Variants in TMC1 observed in about 807,000 individuals in gnomAD.
TMC1 encodes transmembrane channel-like protein 1.
A neutral mutation model predicts 105.8 loss-of-function variants in TMC1; 84 were observed. That is an observed-to-expected ratio of 0.79 (90% CI 0.67 to 0.95). The LOEUF (loss-of-function observed/expected upper bound fraction) is 0.95. TMC1 is among the 40% of genes least tolerant of loss of function. TMC1 has a pLI of 0.00. For missense variants in TMC1, 817 were observed against 914.1 expected, an observed-to-expected ratio of 0.89 and a Z score of 1.37; for synonymous variants, 315 against 311.5, an observed-to-expected ratio of 1.01 and a Z score of -0.12.
Position 72,805,346 on chromosome 9 carries a change from G to T in TMC1, c.1567-36G>T, listed in dbSNP as rs181603154. ...CCAACACTAGGACCATTTGAAGACA[G>T]AACTGTGTGTTTTAATAGAGATAAT... On this transcript the variant is annotated intron_variant, in intron 17 of 23. Coordinates refer to ENST00000297784, the MANE Select transcript of TMC1 (RefSeq NM_138691.3). The T allele has an allele frequency of 2.5e-6, 4 of 1,610,870 alleles. No homozygotes were observed. In the East Asian group the frequency reaches 8.9e-5, roughly 36 times the overall value.
intron 8 of TMC1, among the ~76,000 whole-genome samples, chr9:72,725,290 T>C (rs1827094231): frequency 7.0e-6 from 1 of 141,914 alleles, no homozygotes. Flanking sequence ...AGACAACTCA[T>C]AGGATACCCC....
intron 3 of TMC1, among the ~76,000 whole-genome samples, chr9:72,626,151 GC>G (rs1825343398): frequency 6.6e-6 from 1 of 152,190 alleles, no homozygotes; most frequent in Admixed American, 6.5e-5. Flanking sequence ...GGTAATTTCA[GC>G]CCCAGTCACT....
At position 72,826,890 on chromosome 9, in the gene TMC1, A is replaced by G; in HGVS notation, c.2025A>G (p.Glu675=). 6.2e-7 allele frequency: 1 copy of G among 1,614,048 alleles called. No homozygotes were observed. The highest frequency in any genetic ancestry group is 1.7e-5 in the Admixed American group (1 of 60,034). ...GPFSGKNRMF[E]VIGETLEHDF... ...CCAGTGGCAAAAATAGAATGTTTGA[A>G]GTCATTGGAGAGACCCTGGAGCACG... The change falls in exon 21 of 24, where the codon GAA becomes GAG. Residue 675 remains glutamate, a synonymous_variant. Coordinates refer to ENST00000297784, the MANE Select transcript of TMC1 (RefSeq NM_138691.3).
At position 72,828,403 on chromosome 9, in the gene TMC1, A is replaced by AATG. The variant is rs768738614; in HGVS notation, c.2129+1411_2129+1413dup. On this transcript the variant is annotated intron_variant, in intron 21 of 23. Coordinates refer to ENST00000297784, the MANE Select transcript of TMC1 (RefSeq NM_138691.3). The stretch of plus-strand genomic sequence containing the variant: ...AGAGTCAAGGCCCTTTAGTGGTATG[A>AATG]ATGAGGTGTTGTTTAAAACACACAC... 6.6e-5 allele frequency among the ~76,000 whole-genome samples: 10 copies of AATG among 151,396 alleles called. No individual in the cohort carries two copies. In the East Asian group the frequency reaches 1.2e-3, roughly 18 times the overall value.
intron 8 of TMC1, among the ~76,000 whole-genome samples, chr9:72,714,329 C>T (rs558924595): frequency 3.2e-4 from 48 of 152,268 alleles, no homozygotes; most frequent in African/African-American, 1.1e-3. Context: ...TGTTAATTTT[C>T]TGTCTCGTTG....
At chr9:72,791,167 T>C (rs1319001636) in intron 15 of TMC1, among the ~76,000 whole-genome samples, 1 of 152,054 alleles carries the variant, frequency 6.6e-6, no homozygotes, top group South Asian at 2.1e-4. Flanking sequence ...GTTTCCTACT[T>C]TTCATGTTTC....
chr9:72,633,377 T>G (rs368622487), intron 4 of TMC1, among the ~76,000 whole-genome samples: 6 of 152,210 alleles, frequency 3.9e-5, no homozygotes, highest in Non-Finnish European at 7.3e-5. Context: ...TTTTAAATAA[T>G]GTAGCCCTCA....
intron 5 of TMC1, among the ~76,000 whole-genome samples, chr9:72,652,554 G>T (rs1401415311): frequency 2.0e-5 from 3 of 152,176 alleles, no homozygotes; most frequent in African/African-American, 7.2e-5. Flanking sequence ...CAGAGGGAAG[G>T]TGGGATCAGT....
chr9:72,624,621 A>G (rs570227653), intron 3 of TMC1, among the ~76,000 whole-genome samples: 44 of 152,222 alleles, frequency 2.9e-4, no homozygotes, highest in Non-Finnish European at 5.3e-4. Flanking sequence ...GATGAAATGC[A>G]ACAGCAGACT....
At chr9:72,686,994 A>G (rs1419157645) in intron 5 of TMC1, among the ~76,000 whole-genome samples, 2 of 152,198 alleles carry the variant, frequency 1.3e-5, no homozygotes. Flanking sequence ...TGGTTATTAG[A>G]GGAAACTGAG....
At chr9:72,638,068 C>T (rs1825564179) in intron 4 of TMC1, among the ~76,000 whole-genome samples, 1 of 151,916 alleles carries the variant, frequency 6.6e-6, no homozygotes, top group South Asian at 2.1e-4. Flanking sequence ...ATGCTGCCTC[C>T]CACCACCACC....
intron 7 of TMC1, among the ~76,000 whole-genome samples, chr9:72,695,719 A>G (rs186883905): frequency 3.8e-4 from 58 of 152,290 alleles, no homozygotes; most frequent in Middle Eastern, 3.4e-3. Context: ...AAAATTTGTC[A>G]AGTAGAGAAG....
At chr9:72,565,294 A>G (rs1362121754) in intron 1 of TMC1, among the ~76,000 whole-genome samples, 1 of 152,220 alleles carries the variant, frequency 6.6e-6, no homozygotes, top group African/African-American at 2.4e-5. Context: ...AAATTTAATC[A>G]AGCCTTAAGG....
Position 72,670,451 on chromosome 9 carries a change from T to C in TMC1, c.17-18258T>C, listed in dbSNP as rs562483943. On this transcript the variant is annotated intron_variant, in intron 5 of 23. Coordinates refer to ENST00000297784, the MANE Select transcript of TMC1 (RefSeq NM_138691.3). ...TATACCAGAACAAAGCCGAAGACTA[T>C]AGGAATATGAAAATATCTAGCAGTC... 4.5e-4 allele frequency among the ~76,000 whole-genome samples: 69 copies of C among 152,280 alleles called. 1 individual carries two copies. In the South Asian group the frequency reaches 0.014, roughly 31 times the overall value.
chr9:72,754,128 C>G (rs1360403405), intron 11 of TMC1, among the ~76,000 whole-genome samples: 1 of 152,112 alleles, frequency 6.6e-6, no homozygotes, highest in African/African-American at 2.4e-5. Context: ...GAAAGGTGCT[C>G]TTTCCAGTTC....
rs530352580 is a variant in TMC1 at position 72,749,343 on chromosome 9, C to A, written c.536-2507C>A. On this transcript the variant is annotated intron_variant, in intron 10 of 23. Coordinates refer to ENST00000297784, the MANE Select transcript of TMC1 (RefSeq NM_138691.3). ...TTCCAGGGAAAAACTTACATTGATA[C>A]CTAGTGACCAAGGCTTTCCTCCAGT... is the stretch of plus-strand genomic sequence containing the variant. Among the ~76,000 whole-genome samples the A allele has an allele frequency of 3.3e-5, 5 of 152,306 alleles. No individual in the cohort carries two copies. In the East Asian group the frequency reaches 9.6e-4, roughly 29 times the overall value.
At chr9:72,713,174 G>T (rs1458659318) in intron 8 of TMC1, among the ~76,000 whole-genome samples, 1 of 152,258 alleles carries the variant, frequency 6.6e-6, no homozygotes, top group East Asian at 1.9e-4. Flanking sequence ...GATTCAGTTT[G>T]CCAGTATTTT....
At chr9:72,619,696 A>C (rs1019617105) in intron 3 of TMC1, among the ~76,000 whole-genome samples, 1 of 151,814 alleles carries the variant, frequency 6.6e-6, no homozygotes, top group African/African-American at 2.4e-5. Flanking sequence ...TTTTATAAAA[A>C]CAAAAGCATA....
In TMC1 at chr9:72,830,730, T is replaced by TTTTC. The variant is rs777484773; in HGVS notation, c.2260+56_2260+59dup. ...TAATGTTTGTAATTTTTCTTTTTCT[T>TTTTC]TTTCTTTCTTTTTTTTTTTTTTTTG... On this transcript the variant is annotated intron_variant, in intron 23 of 23. Coordinates refer to ENST00000297784, the MANE Select transcript of TMC1 (RefSeq NM_138691.3). The TTTTC allele has an allele frequency of 3.3e-6, 5 of 1,519,282 alleles. No homozygotes were observed. In the African/African-American group the frequency reaches 5.7e-5, roughly 17 times the overall value. 94.1% of individuals were successfully genotyped at this position (1,519,282 alleles called of 1,614,324 possible).
Sources: allele counts gnomAD v4.1 joint callset (sites outside exome capture counted in the v4.1 genomes callset), GRCh38; gene constraint gnomAD v4.1.1; transcripts MANE v1.5; gene names NCBI Gene and HGNC (gene_info 2026-07-23, HGNC 2026-07-21).